LRP1B: variants seen among roughly 807,000 people sequenced by gnomAD.
LRP1B encodes the protein LDL receptor related protein 1B, also known as low-density lipoprotein receptor-related protein 1B.
Under a neutral mutation model 556.6 loss-of-function variants are expected in LRP1B, and 217 were observed. The observed-to-expected ratio is 0.39, with a 90% CI of 0.35 to 0.44. The LOEUF (loss-of-function observed/expected upper bound fraction) is 0.44, where lower values mean the gene tolerates loss of function less well. Among genes scored for constraint, LRP1B ranks in the 20% least tolerant of loss-of-function variants. The pLI, the probability that LRP1B is intolerant of heterozygous loss-of-function variation, is 1.00. For missense variants in LRP1B, 5,053 were observed against 5,620.8 expected (o/e 0.90, Z 3.23); for synonymous variants, 2,047 against 1,865.8 (o/e 1.10, Z -2.50).
intron 74 of LRP1B, among the ~76,000 whole-genome samples, chr2:140,356,996 T>C (rs1682253952): frequency 6.6e-6 from 1 of 151,788 alleles, no homozygotes; most frequent in Non-Finnish European, 1.5e-5. Flanking sequence ...AGAGTAACAT[T>C]TGAGTGTGTA....
intron 14 of LRP1B, among the ~76,000 whole-genome samples, chr2:141,012,898 TA>T (rs1405564629): frequency 6.6e-6 from 1 of 151,890 alleles, no homozygotes; most frequent in Non-Finnish European, 1.5e-5. Flanking sequence ...TTTAGACTCA[TA>T]AAAAACCTAC....
intron 17 of LRP1B, among the ~76,000 whole-genome samples, chr2:140,988,177 C>G (rs1186925501): frequency 6.6e-6 from 1 of 151,936 alleles, no homozygotes; most frequent in Non-Finnish European, 1.5e-5. Context: ...TGATCTTTTA[C>G]CAATGATGTT....
At chr2:141,424,263 G>A (rs58589921) in intron 3 of LRP1B, among the ~76,000 whole-genome samples, 3,372 of 152,028 alleles carry the variant, frequency 0.022, 147 homozygotes, top group African/African-American at 0.076. Flanking sequence ...ACAGGCATGC[G>A]CCACCACGCC....
At chr2:140,270,138 ACAC>A in intron 86 of LRP1B, 101 bp downstream of exon 86, 3 of 772,064 alleles carry the variant, frequency 3.9e-6, no homozygotes, top group Non-Finnish European at 6.8e-6. Flanking sequence ...TGTCCATGAA[ACAC>A]TCATTTAAAA....
intron 31 of LRP1B, among the ~76,000 whole-genome samples, chr2:140,839,749 G>A (rs1198795398): frequency 6.6e-6 from 1 of 152,136 alleles, no homozygotes; most frequent in Non-Finnish European, 1.5e-5. Flanking sequence ...GATCCTGTGA[G>A]TCAATTCTCC....
intron 27 of LRP1B, among the ~76,000 whole-genome samples, chr2:140,857,392 G>T (rs1692651818): frequency 6.6e-6 from 1 of 152,020 alleles, no homozygotes; most frequent in South Asian, 2.1e-4. Flanking sequence ...TTTCCTTTAG[G>T]AAAGGACTTA....
chr2:141,273,588 C>T (rs903353680), intron 3 of LRP1B, among the ~76,000 whole-genome samples: 19 of 152,146 alleles, frequency 1.2e-4, no homozygotes, highest in Admixed American at 6.5e-4. Flanking sequence ...TCAGAATGGA[C>T]TGCTGGCCTC....
chr2:141,126,699 G>T (rs1368691599), intron 7 of LRP1B, among the ~76,000 whole-genome samples: 1 of 151,930 alleles, frequency 6.6e-6, no homozygotes, highest in Non-Finnish European at 1.5e-5. Context: ...CACTCTTATG[G>T]TTACAATCAA....
At chr2:141,268,182 A>G (rs561935902) in intron 3 of LRP1B, among the ~76,000 whole-genome samples, 96 of 152,332 alleles carry the variant, frequency 6.3e-4, no homozygotes, top group Non-Finnish European at 1.1e-3. Flanking sequence ...TGTGTGTTAA[A>G]TGTAACAACT....
chr2:140,345,777 T>TACACATATATACATATATAC (rs1222390237), intron 77 of LRP1B, among the ~76,000 whole-genome samples: 1 of 132,384 alleles, frequency 7.6e-6, no homozygotes, highest in Non-Finnish European at 1.6e-5. Context: ...CACATATATA[T>TACACATATATACATATATAC]ACATATATAT....
chr2:140,425,792 A>G (rs565465483), intron 66 of LRP1B, among the ~76,000 whole-genome samples: 1 of 152,318 alleles, frequency 6.6e-6, no homozygotes, highest in Non-Finnish European at 1.5e-5. Context: ...AGGAATAATA[A>G]CAGTGTAGCT....
intron 7 of LRP1B, among the ~76,000 whole-genome samples, chr2:141,150,626 C>G (rs1388328513): frequency 6.6e-6 from 1 of 152,122 alleles, no homozygotes; most frequent in African/African-American, 2.4e-5. Flanking sequence ...CCTAATGCAG[C>G]ATTTTTCATG....
chr2:140,827,515 A>G (rs931686851), intron 31 of LRP1B, among the ~76,000 whole-genome samples: 3 of 152,040 alleles, frequency 2.0e-5, no homozygotes, highest in Non-Finnish European at 4.4e-5. Context: ...GAATGGATCA[A>G]GCAGAAGAAA....
rs151199427 is a variant in LRP1B, at chr2:140,360,679, G to A, written c.11132-1733C>T. On this transcript the variant is annotated intron_variant, in intron 72 of 90. Coordinates refer to ENST00000389484, the MANE Select transcript of LRP1B (RefSeq NM_018557.3). Reference sequence around the variant, plus strand: ...CAGATGACTTCAATATTCACATGAGGAAACCAACCAGTGAGGCTTCTTAGC... The same window carrying A: ...CAGATGACTTCAATATTCACATGAGAAAACCAACCAGTGAGGCTTCTTAGC... Among the ~76,000 whole-genome samples, 38 of 151,512 alleles carry A rather than the reference G, an allele frequency of 2.5e-4. No individual in the cohort carries two copies. In the East Asian group the frequency reaches 7.2e-3, roughly 29 times the overall value.
intron 1 of LRP1B, among the ~76,000 whole-genome samples, chr2:141,996,210 CA>C (rs66563468): frequency 0.34 from 12,312 of 35,830 alleles, 541 homozygotes; most frequent in Middle Eastern, 0.42. Context: ...GAGCGAGACT[CA>C]AAAAAAAAAA....
At chr2:141,944,996 T>C (rs1334567617) in intron 1 of LRP1B, among the ~76,000 whole-genome samples, 2 of 152,226 alleles carry the variant, frequency 1.3e-5, no homozygotes, top group Non-Finnish European at 2.9e-5. Context: ...TATTGGATTC[T>C]ATAAGGCACA....
chr2:141,480,492 C>A lies in LRP1B; in HGVS notation c.247G>T (p.Ala83Ser), dbSNP rs773602100. 4 of 1,613,762 alleles carry A rather than the reference C, an allele frequency of 2.5e-6. No individual in the cohort carries two copies. Among genetic ancestry groups the A allele is most frequent in the Non-Finnish European group, 3.4e-6 (4 of 1,179,918 alleles). ...ACACATTTGTTGGTACCAAGGCAAG[C>A]AATGTGATTCAAGGGGCACTTGATT... ...VEIKCPLNHIACLGTNKCVHL... is the reference protein window; with the variant it reads ...VEIKCPLNHISCLGTNKCVHL... The change falls in exon 3 of 91, where the codon GCT becomes TCT. Residue 83 changes from alanine (A) to serine (S), a missense_variant. Physicochemically the swap from Ala to Ser is moderately conservative, Grantham distance 99. Transcript: ENST00000389484.
chr2:140,978,640 CT>C (rs1201216589), intron 18 of LRP1B, among the ~76,000 whole-genome samples: 1 of 152,152 alleles, frequency 6.6e-6, no homozygotes, highest in East Asian at 1.9e-4. Flanking sequence ...AATAATTTCT[CT>C]TGCAGAGATC....
intron 2 of LRP1B, among the ~76,000 whole-genome samples, chr2:141,518,611 C>T (rs943928689): frequency 6.6e-6 from 1 of 152,010 alleles, no homozygotes; most frequent in Non-Finnish European, 1.5e-5. Flanking sequence ...TTTTAGTGTC[C>T]TCAGAGAGCT....
Sources: allele counts gnomAD v4.1 joint callset (sites outside exome capture counted in the v4.1 genomes callset), GRCh38; gene constraint gnomAD v4.1.1; transcripts MANE v1.5; gene names NCBI Gene and HGNC (gene_info 2026-07-23, HGNC 2026-07-21).